FHIT: variants seen among roughly 807,000 people sequenced by gnomAD.
The protein encoded by FHIT is fragile histidine triad diadenosine triphosphatase.
FHIT carries 19 observed loss-of-function variants against 17.9 expected under a neutral mutation model. That is an observed-to-expected ratio of 1.06 (90% CI 0.74 to 1.56). The LOEUF (loss-of-function observed/expected upper bound fraction) is 1.56. Among genes scored for constraint, FHIT ranks in the 40% most tolerant of loss-of-function variants. The probability of loss-of-function intolerance (pLI) is 0.00; values close to 1 mark genes in which losing one functional copy is unlikely to be tolerated. For missense variants in FHIT, 248 were observed against 189.2 expected, an observed-to-expected ratio of 1.31 and a Z score of -1.82; for synonymous variants, 81 against 69.7, an observed-to-expected ratio of 1.16 and a Z score of -0.81.
In FHIT at chr3:60,313,418, G is replaced by A. The variant is rs543491436; in HGVS notation, c.103+223442C>T. On this transcript the variant is annotated intron_variant, in intron 5 of 9. Transcript: ENST00000492590. ...GTCACATTAGCAGAATACAGGGGCT[G>A]AGTGAGCAGGCTGGCAGGGGAGGAG... 1.2e-4 allele frequency among the ~76,000 whole-genome samples: 18 copies of A among 152,292 alleles called. 1 individual carries two copies. In the East Asian group the frequency reaches 3.5e-3, roughly 29 times the overall value.
At chr3:61,238,690 G>C (rs1414378573) in intron 1 of FHIT, among the ~76,000 whole-genome samples, 1 of 152,174 alleles carries the variant, frequency 6.6e-6, no homozygotes, top group Non-Finnish European at 1.5e-5. Flanking sequence ...TAGACTAGAT[G>C]AATCCAACCA....
At chr3:61,247,019 C>A (rs762786684) in intron 1 of FHIT, among the ~76,000 whole-genome samples, 1 of 151,050 alleles carries the variant, frequency 6.6e-6, no homozygotes, top group Non-Finnish European at 1.5e-5. Flanking sequence ...CTCCCTCCCT[C>A]CTGTCCTCCA....
chr3:60,351,863 C>CCA (rs1699414560), intron 5 of FHIT, among the ~76,000 whole-genome samples: 2 of 148,304 alleles, frequency 1.3e-5, no homozygotes, highest in Non-Finnish European at 3.0e-5. Context: ...CTTCTCAGTC[C>CCA]TAGACCTGGC....
intron 5 of FHIT, among the ~76,000 whole-genome samples, chr3:60,288,293 G>C (rs534415185): frequency 3.4e-4 from 52 of 152,180 alleles, no homozygotes; most frequent in Non-Finnish European, 4.7e-4. Flanking sequence ...GTATTCTACT[G>C]GTCAAAGAGA....
At chr3:60,759,307 C>T (rs1699553629) in intron 4 of FHIT, among the ~76,000 whole-genome samples, 1 of 152,108 alleles carries the variant, frequency 6.6e-6, no homozygotes, top group African/African-American at 2.4e-5. Flanking sequence ...AAGTCTAGAG[C>T]AAAGATGGTG....
At chr3:60,834,895 A>AC in intron 3 of FHIT, among the ~76,000 whole-genome samples, 1 of 151,942 alleles carries the variant, frequency 6.6e-6, no homozygotes, top group South Asian at 2.1e-4. Flanking sequence ...AAAAAAAAAA[A>AC]AAACTCTTTC....
At chr3:60,629,769 C>A (rs2039391014) in intron 4 of FHIT, among the ~76,000 whole-genome samples, 1 of 152,178 alleles carries the variant, frequency 6.6e-6, no homozygotes, top group Non-Finnish European at 1.5e-5. Context: ...TCTAGGTAGA[C>A]TGCCTCTATT....
At chr3:60,641,448 A>C (rs1328493457) in intron 4 of FHIT, among the ~76,000 whole-genome samples, 1 of 152,186 alleles carries the variant, frequency 6.6e-6, no homozygotes, top group Non-Finnish European at 1.5e-5. Flanking sequence ...CCACAGCATC[A>C]AAATGGCTAT....
At chr3:60,921,918 T>C (rs576017225) in intron 3 of FHIT, among the ~76,000 whole-genome samples, 1 of 152,292 alleles carries the variant, frequency 6.6e-6, no homozygotes, top group South Asian at 2.1e-4. Flanking sequence ...TTTAATAATG[T>C]AGTCGGCCAG....
At chr3:60,823,429 T>C (rs1284615681) in intron 3 of FHIT, among the ~76,000 whole-genome samples, 2 of 152,120 alleles carry the variant, frequency 1.3e-5, no homozygotes, top group Non-Finnish European at 2.9e-5. Context: ...ATACTGGAGA[T>C]CGGTGGGCAG....
chr3:59,825,426 T>C (rs375700247), intron 8 of FHIT, among the ~76,000 whole-genome samples: 102 of 152,310 alleles, frequency 6.7e-4, no homozygotes, highest in Middle Eastern at 3.4e-3. Flanking sequence ...TTGAGTTCTG[T>C]TGTGGTTCAA....
chr3:61,053,196 C>A (rs949743409), intron 2 of FHIT, among the ~76,000 whole-genome samples: 1 of 152,074 alleles, frequency 6.6e-6, no homozygotes, highest in African/African-American at 2.4e-5. Flanking sequence ...CTTAAGAGAT[C>A]TCAAATATAT....
intron 1 of FHIT, among the ~76,000 whole-genome samples, chr3:61,237,713 A>G (rs1376079434): frequency 6.6e-6 from 1 of 152,158 alleles, no homozygotes; most frequent in Non-Finnish European, 1.5e-5. Flanking sequence ...ATTGAAATCA[A>G]TGATTTCACT....
chr3:60,791,859 A>C (rs1266888853), intron 4 of FHIT, among the ~76,000 whole-genome samples: 1 of 152,246 alleles, frequency 6.6e-6, no homozygotes. Flanking sequence ...GTAGTCTATC[A>C]GTAATGGACA....
At chr3:60,213,002 A>T (rs1348248081) in intron 5 of FHIT, among the ~76,000 whole-genome samples, 1 of 152,148 alleles carries the variant, frequency 6.6e-6, no homozygotes, top group Non-Finnish European at 1.5e-5. Context: ...GCCACCTGAA[A>T]GAAAAGCAAG....
rs2032065297 is a variant in FHIT at position 60,455,990 on chromosome 3, ATTCGAT to A, written c.103+80864_103+80869del. ...CTAGCAAGTGGTTGGACTCATAATG[ATTCGAT>A]TTCTTTAACTAGCCCATTAATCCAA... is the stretch of plus-strand genomic sequence containing the variant. On this transcript the variant is annotated intron_variant, in intron 5 of 9. Coordinates refer to ENST00000492590, the MANE Select transcript of FHIT (RefSeq NM_002012.4). 2.6e-5 allele frequency among the ~76,000 whole-genome samples: 4 copies of A among 152,298 alleles called. No homozygotes were observed. The South Asian group carries it at 8.3e-4, about 32-fold the overall frequency.
chr3:59,788,022 G>A (rs1002032858), intron 8 of FHIT, among the ~76,000 whole-genome samples: 1 of 152,186 alleles, frequency 6.6e-6, no homozygotes, highest in African/African-American at 2.4e-5. Flanking sequence ...AAGTAGGCTG[G>A]TTTCTCACTG....
At chr3:60,017,910 T>C (rs1700405771) in intron 5 of FHIT, among the ~76,000 whole-genome samples, 1 of 152,220 alleles carries the variant, frequency 6.6e-6, no homozygotes, top group Admixed American at 6.5e-5. Flanking sequence ...ATCCTACACA[T>C]GCTGTTTTGC....
chr3:60,188,411 A>T (rs1702257413), intron 5 of FHIT, among the ~76,000 whole-genome samples: 1 of 152,102 alleles, frequency 6.6e-6, no homozygotes, highest in Non-Finnish European at 1.5e-5. Context: ...TTTAGTTGAA[A>T]AAGTGACTGT....
Sources: allele counts gnomAD v4.1 joint callset (sites outside exome capture counted in the v4.1 genomes callset), GRCh38; gene constraint gnomAD v4.1.1; transcripts MANE v1.5; gene names NCBI Gene and HGNC (gene_info 2026-07-23, HGNC 2026-07-21).